DCC: variants seen among roughly 807,000 people sequenced by gnomAD.
The protein encoded by DCC is netrin receptor DCC.
DCC carries 58 observed loss-of-function variants against 172.5 expected under a neutral mutation model. The observed-to-expected ratio is 0.34, with a 90% CI of 0.27 to 0.42. The LOEUF is 0.42. Ranked by LOEUF, DCC falls within the 10% of genes least tolerant of loss-of-function variation. The pLI is 1.00. For synonymous variants in DCC, 709 were observed against 644.5 expected (o/e 1.10, Z -1.52); for missense variants, 1,740 against 1,791.0 (o/e 0.97, Z 0.51).
chr18:53,060,162 C>T (rs757923909), intron 5 of DCC, among the ~76,000 whole-genome samples: 1 of 151,028 alleles, frequency 6.6e-6, no homozygotes, highest in Admixed American at 6.6e-5. Context: ...TGCCACCACA[C>T]CTGGCTTATT....
chr18:52,874,990 G>A (rs781419936), intron 2 of DCC, among the ~76,000 whole-genome samples: 23 of 152,050 alleles, frequency 1.5e-4, no homozygotes, highest in Non-Finnish European at 2.9e-4. Context: ...TGATTTTTTG[G>A]CATCTGACTT....
chr18:52,465,416 A>G (rs1988757572), intron 1 of DCC, among the ~76,000 whole-genome samples: 1 of 152,142 alleles, frequency 6.6e-6, no homozygotes, highest in Non-Finnish European at 1.5e-5. Flanking sequence ...ATCAGAGCTG[A>G]AAGAACAGTG....
chr18:53,115,162 G>A (rs1385394691), intron 7 of DCC, among the ~76,000 whole-genome samples: 1 of 151,578 alleles, frequency 6.6e-6, no homozygotes, highest in African/African-American at 2.4e-5. Context: ...ATGGATTATT[G>A]GTGGTAATTT....
chr18:53,263,446 C>G (rs1291718667), intron 12 of DCC, among the ~76,000 whole-genome samples: 2 of 152,174 alleles, frequency 1.3e-5, no homozygotes, highest in Admixed American at 6.5e-5. Flanking sequence ...GCCACCACAC[C>G]CAGCCTGAAG....
chr18:53,191,601 G>A (rs1368612469), intron 9 of DCC, among the ~76,000 whole-genome samples: 4 of 152,088 alleles, frequency 2.6e-5, no homozygotes, highest in Admixed American at 2.0e-4. Flanking sequence ...TGTGTCTTAT[G>A]TCCAGTCAAA....
chr18:52,382,608 C>T (rs566268611), intron 1 of DCC, among the ~76,000 whole-genome samples: 12 of 152,072 alleles, frequency 7.9e-5, no homozygotes, highest in Admixed American at 2.6e-4. Flanking sequence ...GTTGTAATGA[C>T]GACATATTGG....
At chr18:52,741,907 G>C (rs1383468285) in intron 1 of DCC, among the ~76,000 whole-genome samples, 1 of 152,102 alleles carries the variant, frequency 6.6e-6, no homozygotes, top group African/African-American at 2.4e-5. Context: ...AACCTCCAAT[G>C]TTATAGTATT....
At chr18:52,676,009 GT>G (rs2035641949) in intron 1 of DCC, among the ~76,000 whole-genome samples, 1 of 152,240 alleles carries the variant, frequency 6.6e-6, no homozygotes, top group South Asian at 2.1e-4. Flanking sequence ...ATAGTCAATA[GT>G]TTTTTGTGAT....
intron 12 of DCC, among the ~76,000 whole-genome samples, chr18:53,265,693 G>GT (rs1166457853): frequency 7.2e-5 from 11 of 152,302 alleles, no homozygotes; most frequent in Admixed American, 2.0e-4. Flanking sequence ...GCCAATGCAG[G>GT]ATAGGATATG....
intron 2 of DCC, among the ~76,000 whole-genome samples, chr18:52,880,077 T>C (rs1316358015): frequency 6.6e-6 from 1 of 152,176 alleles, no homozygotes; most frequent in Non-Finnish European, 1.5e-5. Context: ...TATCAGATTA[T>C]TATTGATTAT....
chr18:53,147,975 C>T (rs1414287796), intron 7 of DCC, among the ~76,000 whole-genome samples: 1 of 152,098 alleles, frequency 6.6e-6, no homozygotes, highest in Non-Finnish European at 1.5e-5. Context: ...ACCTTTAGTT[C>T]TTCTTACTTA....
At chr18:53,480,170 G>T (rs1345787860) in intron 25 of DCC, among the ~76,000 whole-genome samples, 1 of 152,166 alleles carries the variant, frequency 6.6e-6, no homozygotes, top group Non-Finnish European at 1.5e-5. Flanking sequence ...AAAAGGTCCA[G>T]ATAGAGGAGT....
chr18:52,344,639 G>A (rs951950102), intron 1 of DCC, among the ~76,000 whole-genome samples: 1 of 147,562 alleles, frequency 6.8e-6, no homozygotes, highest in African/African-American at 2.5e-5. Flanking sequence ...ATCTTTACCT[G>A]GTGCGGCATG....
At chr18:52,440,202 C>T (rs1987932191) in intron 1 of DCC, among the ~76,000 whole-genome samples, 1 of 152,024 alleles carries the variant, frequency 6.6e-6, no homozygotes, top group South Asian at 2.1e-4. Context: ...TTCATCAGGG[C>T]CAGTTACAAA....
chr18:52,402,375 C>T (rs982086942), intron 1 of DCC, among the ~76,000 whole-genome samples: 17 of 151,902 alleles, frequency 1.1e-4, no homozygotes, highest in African/African-American at 3.9e-4. Flanking sequence ...GCCTCTATCG[C>T]ATGTTTTCAA....
chr18:52,929,703 G>A (rs1010949797), intron 5 of DCC, among the ~76,000 whole-genome samples: 2 of 151,746 alleles, frequency 1.3e-5, no homozygotes, highest in African/African-American at 2.4e-5. Flanking sequence ...TAAATGTGGA[G>A]GTATAAAAGT....
chr18:52,698,841 C>A (rs1395085114), intron 1 of DCC, among the ~76,000 whole-genome samples: 1 of 148,566 alleles, frequency 6.7e-6, no homozygotes, highest in Non-Finnish European at 1.5e-5. Flanking sequence ...AAACTCCTGA[C>A]CTCGTGATCC....
At chr18:52,651,708 A>G (rs2035134726) in intron 1 of DCC, among the ~76,000 whole-genome samples, 1 of 152,130 alleles carries the variant, frequency 6.6e-6, no homozygotes, top group African/African-American at 2.4e-5. Flanking sequence ...ATTCATTTCA[A>G]CAGCATTCCA....
chr18:53,395,342 A>G (rs2145018665), intron 17 of DCC, among the ~76,000 whole-genome samples: 1 of 152,306 alleles, frequency 6.6e-6, no homozygotes, highest in Non-Finnish European at 1.5e-5. Flanking sequence ...TCTAGAACAC[A>G]AAGACGATCT....
Sources: allele counts gnomAD v4.1 joint callset (sites outside exome capture counted in the v4.1 genomes callset), GRCh38; gene constraint gnomAD v4.1.1; transcripts MANE v1.5; gene names NCBI Gene and HGNC (gene_info 2026-07-23, HGNC 2026-07-21).